MYO18A: variants seen among roughly 807,000 people sequenced by gnomAD.
MYO18A encodes the protein myosin XVIIIA, also known as unconventional myosin-XVIIIa.
In MYO18A, 78 loss-of-function variants were observed where a neutral mutation model predicts 235.8. That is an observed-to-expected ratio of 0.33 (90% CI 0.28 to 0.40). MYO18A has a LOEUF of 0.40. MYO18A is among the 10% of genes least tolerant of loss of function. The pLI is 1.00. For missense variants in MYO18A, 2,215 were observed against 2,699.3 expected (o/e 0.82, Z 3.98); for synonymous variants, 977 against 1,077.8 (o/e 0.91, Z 1.83).
intron 21 of MYO18A, among the ~76,000 whole-genome samples, 196 bp downstream of exon 21, chr17:29,103,403 C>T (rs949315405): frequency 6.6e-6 from 1 of 152,232 alleles, no homozygotes; most frequent in African/African-American, 2.4e-5. Flanking sequence ...GCATCTGAAA[C>T]CTCTAGCTCC....
At chr17:29,175,245 C>T (rs966515476) in intron 1 of MYO18A, among the ~76,000 whole-genome samples, 11 of 152,036 alleles carry the variant, frequency 7.2e-5, no homozygotes, top group Non-Finnish European at 1.3e-4. Flanking sequence ...TGGGCCACCG[C>T]ACTCGGGCTA....
At chr17:29,082,517 GGTGT>G in intron 40 of MYO18A, 79 bp from the exon 41 acceptor site, 1 of 1,489,836 alleles carries the variant, frequency 6.7e-7, no homozygotes, top group Non-Finnish European at 9.1e-7. Context: ...GGGTGCAGGG[GGTGT>G]CTTGGGCAGG....
In MYO18A at chr17:29,117,524, A is replaced by G. The variant is rs1467777117; in HGVS notation, c.2038+521T>C. 1.3e-5 allele frequency among the ~76,000 whole-genome samples: 2 copies of G among 151,746 alleles called. No homozygotes were observed. Among genetic ancestry groups the G allele is most frequent in the Admixed American group, 6.6e-5 (1 of 15,252 alleles). ...GCAGCTACTCCTGGGACTCTAAGACACCCCACAGCCTGCAGGCTCCACTTC... is the reference window on the plus strand; with the variant it reads ...GCAGCTACTCCTGGGACTCTAAGACGCCCCACAGCCTGCAGGCTCCACTTC... On this transcript the variant is annotated intron_variant, in intron 10 of 41. Coordinates refer to ENST00000527372, the MANE Select transcript of MYO18A (RefSeq NM_078471.4). This position sits in a 1 kb window ranked among gnomAD's most constrained non-coding sequence, Gnocchi z 4.6.
At chr17:29,112,046 A>AG (rs1280349317) in intron 15 of MYO18A, among the ~76,000 whole-genome samples, 183 bp from the exon 16 acceptor site, 1 of 152,194 alleles carries the variant, frequency 6.6e-6, no homozygotes, top group African/African-American at 2.4e-5. Flanking sequence ...GCCCGGGGAA[A>AG]GGGGAGCCAA....
Position 29,095,036 on chromosome 17 carries a change from G to T in MYO18A, c.4409C>A (p.Ala1470Glu), listed in dbSNP as rs944531301. Residue 1470 changes from alanine to glutamate, a missense_variant, in exon 29 of 42, where the codon GCG becomes GAG. Transcript: ENST00000527372. Reference protein sequence around the residue: ...QRRFDSELSQAHEEAQREKLQ... With the variant: ...QRRFDSELSQEHEEAQREKLQ... ...CTTCTCCCGCTGGGCCTCCTCATGCGCCTGCGAGAGCTCACTGTCAAACCT... is the reference window on the plus strand; with the variant it reads ...CTTCTCCCGCTGGGCCTCCTCATGCTCCTGCGAGAGCTCACTGTCAAACCT... 1 of 1,555,632 alleles carries T rather than the reference G, an allele frequency of 6.4e-7. No individual in the cohort carries two copies. The highest frequency in any genetic ancestry group is 8.7e-7 in the Non-Finnish European group (1 of 1,149,090).
Position 29,165,956 on chromosome 17 carries a change from T to C in MYO18A, c.985A>G (p.Arg329Gly). The C allele has an allele frequency of 6.2e-7, 1 of 1,612,792 alleles. No homozygotes were observed. The highest frequency in any genetic ancestry group is 8.5e-7 in the Non-Finnish European group (1 of 1,179,530). ...GAAGCACTCACATCGGATGGCTCCC[T>C]GCGAGGTCCCTCGCCGCTCCGCAGC... Reference protein sequence around the residue: ...SWLRSGEGPRREPSDAKTEEQ... With the variant: ...SWLRSGEGPRGEPSDAKTEEQ... Residue 329 changes from arginine (R) to glycine (G), a missense_variant, in exon 2 of 42, where the codon AGG (arginine) becomes GGG (glycine). By Grantham distance (125) the Arg-to-Gly change is moderately radical. Transcript: ENST00000527372.
chr17:29,084,483 G>C (rs2066201762), intron 40 of MYO18A, among the ~76,000 whole-genome samples: 1 of 152,160 alleles, frequency 6.6e-6, no homozygotes, highest in South Asian at 2.1e-4. Flanking sequence ...AACTCCAGGG[G>C]CAGGCAGGCT....
rs1688010643 is a variant in MYO18A at position 29,074,352 on chromosome 17, G to A, written c.*418C>T. On this transcript the variant is annotated 3_prime_UTR_variant, in exon 42 of 42. Coordinates refer to ENST00000527372, the MANE Select transcript of MYO18A (RefSeq NM_078471.4). The surrounding 1 kb of genome is among the most constrained non-coding windows in gnomAD (Gnocchi z 4.4). The stretch of plus-strand genomic sequence containing the variant: ...AGCCCCCACCCCACACGAGAGGGAA[G>A]GCACTGCTTCTCCTCCCCCAATCCT... The A allele has an allele frequency of 2.7e-6, 2 of 735,318 alleles. No homozygotes were observed. The highest frequency in any genetic ancestry group is 4.4e-6 in the Non-Finnish European group (2 of 450,994). 45.5% of individuals were successfully genotyped at this position (735,318 alleles called of 1,614,324 possible). A position where few individuals can be genotyped will look rare whatever the true frequency, so the allele number is the denominator to read the frequency against.
At chr17:29,136,235 G>GAAAAAAAA (rs1181249964) in intron 2 of MYO18A, among the ~76,000 whole-genome samples, 6 of 105,298 alleles carry the variant, frequency 5.7e-5, no homozygotes, top group Non-Finnish European at 5.3e-5. Context: ...CATCTCAAAA[G>GAAAAAAAA]AAAAAAAAAA....
intron 22 of MYO18A, 75 bp downstream of exon 22, chr17:29,099,559 T>C (rs2066605538): frequency 6.5e-7 from 1 of 1,547,414 alleles, no homozygotes; most frequent in African/African-American, 1.4e-5. Flanking sequence ...CTTCTCCCCC[T>C]TATAGCCCCC....
rs748599330 is a variant in MYO18A at position 29,074,056 on chromosome 17, G to A, written c.*714C>T. ...ATGGTCCACACACACACTTGTCTGC[G>A]TAGGCTTGCTCAACCCAGCCCAGCA... On this transcript the variant is annotated 3_prime_UTR_variant, in exon 42 of 42. Transcript: ENST00000527372. This position sits in a 1 kb window ranked among gnomAD's most constrained non-coding sequence, Gnocchi z 4.4. 9.9e-6 allele frequency: 16 copies of A among 1,613,936 alleles called. No individual in the cohort carries two copies. In the East Asian group the frequency reaches 1.6e-4, roughly 16 times the overall value.
chr17:29,114,379 C>CATCCTTGAAACACTTGAAG, intron 14 of MYO18A: 1 of 397,212 alleles, frequency 2.5e-6, no homozygotes, highest in South Asian at 3.5e-5. Flanking sequence ...CTCTCAATTT[C>CATCCTTGAAACACTTGAAG]ACACAATCAT....
At chr17:29,075,903 C>T (rs2065963695) in intron 41 of MYO18A, 1 of 153,548 alleles carries the variant, frequency 6.5e-6, no homozygotes, top group Admixed American at 6.5e-5. Flanking sequence ...AGCCCTGCCT[C>T]CAGATCCTAG....
chr17:29,139,196 G>A (rs1032504603), intron 2 of MYO18A, among the ~76,000 whole-genome samples: 1 of 152,206 alleles, frequency 6.6e-6, no homozygotes, highest in South Asian at 2.1e-4. Flanking sequence ...CGCAACTGCA[G>A]TTGCAGAAGG....
intron 37 of MYO18A, among the ~76,000 whole-genome samples, chr17:29,088,686 G>A (rs756884035): frequency 1.3e-5 from 2 of 152,216 alleles, no homozygotes; most frequent in Non-Finnish European, 1.5e-5. Flanking sequence ...CCTCTCTCTT[G>A]CTATCTGCTC....
intron 2 of MYO18A, among the ~76,000 whole-genome samples, chr17:29,164,082 G>T (rs906595994): frequency 6.6e-6 from 1 of 152,106 alleles, no homozygotes; most frequent in Non-Finnish European, 1.5e-5. Context: ...TAGAGACAAG[G>T]TTTCTTCCTG....
At chr17:29,085,414 C>T (rs1197353787) in intron 40 of MYO18A, among the ~76,000 whole-genome samples, 190 bp downstream of exon 40, 1 of 152,220 alleles carries the variant, frequency 6.6e-6, no homozygotes, top group East Asian at 1.9e-4. Context: ...CTGGGGAGCA[C>T]ACCTCATTGC....
chr17:29,087,088 T>C lies in MYO18A; in HGVS notation c.5560A>G (p.Lys1854Glu). The change falls in exon 38 of 42, where the codon AAG becomes GAG. Residue 1854 changes from lysine to glutamate, a missense_variant. By Grantham distance (56) the Lys-to-Glu change is moderately conservative. Transcript: ENST00000527372. ...LASRLKENME[K>E]LTEERDQRIA... ...CGCTGATCCCGCTCCTCAGTCAGCT[T>C]CTCCATGTTTTCCTTGAGACGGCTA... 6.2e-7 allele frequency: 1 copy of C among 1,613,826 alleles called. No homozygotes were observed.
rs71135869 is a variant in MYO18A, at chr17:29,117,351, AGATAC to A, written c.2038+689_2038+693del. Among the ~76,000 whole-genome samples, 247 of 152,264 alleles carry A rather than the reference AGATAC, an allele frequency of 1.6e-3. 3 individuals are homozygous for A. The highest frequency in any genetic ancestry group is 2.7e-3 in the Non-Finnish European group (183 of 68,018). ...GCCGCCACCCTGACATGCAAGAGGA[AGATAC>A]GGAGCTACCCAACCAGTGGAGAAGG... On this transcript the variant is annotated intron_variant, in intron 10 of 41. Coordinates refer to ENST00000527372, the MANE Select transcript of MYO18A (RefSeq NM_078471.4). This position sits in a 1 kb window ranked among gnomAD's most constrained non-coding sequence, Gnocchi z 4.6.
Sources: gnomAD v4.1 joint callset for allele counts (sites outside exome capture counted in the v4.1 genomes callset) on GRCh38, gnomAD v4.1.1 for gene constraint, Gnocchi (gnomAD v3.1) non-coding constraint, MANE v1.5 for transcripts, NCBI Gene and HGNC (gene_info 2026-07-23, HGNC 2026-07-21) for gene names.